Variants in MSRA observed in about 807,000 individuals in gnomAD.
MSRA encodes mitochondrial peptide methionine sulfoxide reductase.
A neutral mutation model predicts 31.3 loss-of-function variants in MSRA; 54 were observed. That is an observed-to-expected ratio of 1.73 (90% CI 1.39 to 2.17). MSRA has a LOEUF of 2.17. Among genes scored for constraint, MSRA ranks in the 30% most tolerant of loss-of-function variants. The pLI is 0.00. For missense variants in MSRA, 507 were observed against 300.9 expected, an observed-to-expected ratio of 1.69 and a Z score of -5.07; for synonymous variants, 169 against 116.5, an observed-to-expected ratio of 1.45 and a Z score of -2.90.
chr8:10,159,968 G>T (rs1804494082), intron 1 of MSRA, among the ~76,000 whole-genome samples: 1 of 152,180 alleles, frequency 6.6e-6, no homozygotes, highest in South Asian at 2.1e-4. Context: ...TTTTCCCCAG[G>T]AAGATACTTT....
chr8:10,145,284 G>A (rs941692866), intron 1 of MSRA, among the ~76,000 whole-genome samples: 1 of 152,142 alleles, frequency 6.6e-6, no homozygotes, highest in African/African-American at 2.4e-5. Flanking sequence ...TAATTCATAC[G>A]AAGAATAGCT....
intron 5 of MSRA, among the ~76,000 whole-genome samples, chr8:10,330,005 AATG>A (rs1802597882): frequency 1.1e-5 from 1 of 91,312 alleles, no homozygotes; most frequent in South Asian, 4.9e-4. Flanking sequence ...GAGAGAAAAA[AATG>A]TGTGTGTGTG....
At chr8:10,423,751 A>G (rs555925638) in intron 5 of MSRA, among the ~76,000 whole-genome samples, 2 of 152,290 alleles carry the variant, frequency 1.3e-5, no homozygotes, top group East Asian at 3.9e-4. Context: ...TGTGACACGG[A>G]AAGTGGCTGC....
At chr8:10,256,622 TAAG>T (rs1237335412) in intron 3 of MSRA, among the ~76,000 whole-genome samples, 2 of 152,184 alleles carry the variant, frequency 1.3e-5, no homozygotes, top group African/African-American at 4.8e-5. Flanking sequence ...GCCACATAAG[TAAG>T]AAGAATTCAG....
intron 2 of MSRA, among the ~76,000 whole-genome samples, chr8:10,236,163 A>G (rs1227531436): frequency 3.3e-5 from 5 of 152,188 alleles, no homozygotes; most frequent in Non-Finnish European, 5.9e-5. Context: ...CCTACAGTAA[A>G]TCTCATATTT....
intron 1 of MSRA, among the ~76,000 whole-genome samples, chr8:10,179,983 C>G (rs1326006059): frequency 6.6e-6 from 1 of 152,204 alleles, no homozygotes; most frequent in Non-Finnish European, 1.5e-5. Flanking sequence ...AAGCCATTCT[C>G]CAGTTCTCTG....
At chr8:10,143,976 G>T (rs1046788405) in intron 1 of MSRA, among the ~76,000 whole-genome samples, 15 of 152,144 alleles carry the variant, frequency 9.9e-5, no homozygotes, top group African/African-American at 3.4e-4. Flanking sequence ...CTCCTGTTGA[G>T]GATGTTCTGT....
intron 2 of MSRA, among the ~76,000 whole-genome samples, chr8:10,221,454 A>G (rs931168997): frequency 2.0e-5 from 3 of 151,264 alleles, no homozygotes; most frequent in Non-Finnish European, 4.4e-5. Context: ...ACATATATAT[A>G]TTTGTTCTTT....
chr8:10,186,906 C>T (rs1052702003), intron 1 of MSRA, among the ~76,000 whole-genome samples: 1 of 152,070 alleles, frequency 6.6e-6, no homozygotes. Context: ...GTAAAAATAC[C>T]AGCCTTAGAT....
intron 1 of MSRA, among the ~76,000 whole-genome samples, chr8:10,077,222 GC>G (rs935434775): frequency 1.3e-5 from 2 of 152,276 alleles, no homozygotes; most frequent in Middle Eastern, 6.8e-3. Flanking sequence ...ACAATGATGG[GC>G]AAAGAGAGGG....
intron 1 of MSRA, among the ~76,000 whole-genome samples, chr8:10,082,584 G>T (rs1020127021): frequency 6.6e-6 from 1 of 152,148 alleles, no homozygotes; most frequent in South Asian, 2.1e-4. Context: ...CTACCAAGTT[G>T]TTTTCTCAAG....
At position 10,230,790 on chromosome 8, in the gene MSRA, G is replaced by A. The variant is rs900621090; in HGVS notation, c.212-14314G>A. On this transcript the variant is annotated intron_variant, in intron 2 of 5. Transcript: ENST00000317173. ...ACCTATTTGTGGGTTTGTTGTTGTTGTGGTTTTAATTGAGATGGAGTTTTG... is the reference window on the plus strand; with the variant it reads ...ACCTATTTGTGGGTTTGTTGTTGTTATGGTTTTAATTGAGATGGAGTTTTG... Among the ~76,000 whole-genome samples the A allele has an allele frequency of 5.7e-4, 87 of 152,192 alleles. 1 individual carries two copies. Among genetic ancestry groups the A allele is most frequent in the African/African-American group, 1.9e-3 (79 of 41,530 alleles).
intron 1 of MSRA, among the ~76,000 whole-genome samples, chr8:10,069,656 C>T (rs1279972776): frequency 6.6e-6 from 1 of 152,132 alleles, no homozygotes; most frequent in African/African-American, 2.4e-5. Flanking sequence ...TGTGAAGCCT[C>T]CTTTATAAGG....
At chr8:10,335,568 C>T (rs960990728) in intron 5 of MSRA, among the ~76,000 whole-genome samples, 5 of 152,172 alleles carry the variant, frequency 3.3e-5, no homozygotes, top group African/African-American at 1.2e-4. Context: ...GAACAGATGA[C>T]CCCGGCGCCT....
intron 2 of MSRA, among the ~76,000 whole-genome samples, chr8:10,212,898 T>G (rs1042974799): frequency 6.6e-6 from 1 of 152,222 alleles, no homozygotes; most frequent in African/African-American, 2.4e-5. Flanking sequence ...TTTTTTAATT[T>G]AAAAGTTTTG....
At chr8:10,219,454 C>G (rs750911035) in intron 2 of MSRA, among the ~76,000 whole-genome samples, 1 of 152,050 alleles carries the variant, frequency 6.6e-6, no homozygotes, top group Non-Finnish European at 1.5e-5. Flanking sequence ...TAAGTGGTCT[C>G]AAATTCTTTT....
chr8:10,217,642 C>T (rs922707968), intron 2 of MSRA, among the ~76,000 whole-genome samples: 2 of 152,110 alleles, frequency 1.3e-5, no homozygotes, highest in African/African-American at 4.8e-5. Flanking sequence ...TCTACATCCC[C>T]ACTCCCTCCC....
chr8:10,137,611 A>C (rs1052701328), intron 1 of MSRA, among the ~76,000 whole-genome samples: 6 of 152,220 alleles, frequency 3.9e-5, no homozygotes, highest in Non-Finnish European at 7.3e-5. Context: ...TGCAGCTAAA[A>C]TAGCGAATGC....
At chr8:10,407,220 A>G (rs921260304) in intron 5 of MSRA, among the ~76,000 whole-genome samples, 2 of 152,228 alleles carry the variant, frequency 1.3e-5, no homozygotes, top group Non-Finnish European at 2.9e-5. Flanking sequence ...AATGTGATGA[A>G]CAAGAACTGG....
Sources: gnomAD v4.1 joint callset for allele counts (sites outside exome capture counted in the v4.1 genomes callset) on GRCh38, gnomAD v4.1.1 for gene constraint, MANE v1.5 for transcripts, NCBI Gene and HGNC (gene_info 2026-07-23, HGNC 2026-07-21) for gene names.